Variants in PMFBP1 observed in about 807,000 individuals in gnomAD.
The protein encoded by PMFBP1 is polyamine modulated factor 1 binding protein 1.
Under a neutral mutation model 137.8 loss-of-function variants are expected in PMFBP1, and 131 were observed. The ratio of observed to expected loss-of-function variants is 0.95; its 90% CI spans 0.82 to 1.10. The LOEUF (loss-of-function observed/expected upper bound fraction) is 1.10. PMFBP1 is among the 50% of genes least tolerant of loss of function. PMFBP1 has a pLI of 0.00. For synonymous variants in PMFBP1, 490 were observed against 450.4 expected, an observed-to-expected ratio of 1.09 and a Z score of -1.11; for missense variants, 1,199 against 1,175.4, an observed-to-expected ratio of 1.02 and a Z score of -0.29.
At chr16:72,119,651 T>G in intron 20 of PMFBP1, 200 bp downstream of exon 20, 1 of 1,446,188 alleles carries the variant, frequency 6.9e-7, no homozygotes, top group Non-Finnish European at 9.0e-7. Context: ...TTGGGTATGC[T>G]TCAGATGTTC....
the PMFBP1 span, among the ~76,000 whole-genome samples, chr16:72,239,808 C>A: frequency 1.3e-5 from 2 of 150,296 alleles, no homozygotes; most frequent in Non-Finnish European, 2.9e-5. Flanking sequence ...ATCGCTTAAA[C>A]CCAGGAGGCG....
intron 9 of PMFBP1, 108 bp from the exon 10 acceptor site, chr16:72,133,099 G>C: frequency 7.4e-7 from 1 of 1,354,160 alleles, no homozygotes; most frequent in African/African-American, 1.4e-5. Context: ...CCCCTGCCTG[G>C]ACATTGCACG....
the PMFBP1 span, among the ~76,000 whole-genome samples, chr16:72,248,184 G>C: frequency 6.6e-6 from 1 of 152,190 alleles, no homozygotes; most frequent in Admixed American, 6.5e-5. Flanking sequence ...GTGTACCAAA[G>C]ATGTTTGTTG....
chr16:72,138,561 G>T (rs2042668387), intron 7 of PMFBP1, among the ~76,000 whole-genome samples: 1 of 152,112 alleles, frequency 6.6e-6, no homozygotes, highest in Admixed American at 6.5e-5. Flanking sequence ...TGTGGCCCAG[G>T]CTGGAGTGCA....
At chr16:72,131,558 T>C (rs942591503) in intron 10 of PMFBP1, among the ~76,000 whole-genome samples, 1 of 152,082 alleles carries the variant, frequency 6.6e-6, no homozygotes, top group Non-Finnish European at 1.5e-5. Flanking sequence ...TGGAGTTACC[T>C]GTAGAGAAAG....
At chr16:72,214,626 T>C in the PMFBP1 span, among the ~76,000 whole-genome samples, 1 of 152,268 alleles carries the variant, frequency 6.6e-6, no homozygotes, top group African/African-American at 2.4e-5. Context: ...CCTGTAGAGT[T>C]CCCAGCATAA....
the PMFBP1 span, among the ~76,000 whole-genome samples, chr16:72,214,019 C>T: frequency 6.6e-6 from 1 of 152,054 alleles, no homozygotes; most frequent in African/African-American, 2.4e-5. Flanking sequence ...TCATAATATG[C>T]AGTCACTGAA....
At chr16:72,192,738 C>T in the PMFBP1 span, among the ~76,000 whole-genome samples, 1 of 151,754 alleles carries the variant, frequency 6.6e-6, no homozygotes, top group Non-Finnish European at 1.5e-5. Context: ...CCCGTCTCTA[C>T]TAAAATACAA....
chr16:72,249,155 T>C, the PMFBP1 span, among the ~76,000 whole-genome samples: 13 of 152,188 alleles, frequency 8.5e-5, no homozygotes, highest in African/African-American at 3.1e-4. Flanking sequence ...ATTAGATATG[T>C]GGTTTACCTC....
chr16:72,186,953 A>T, the PMFBP1 span, among the ~76,000 whole-genome samples: 2 of 152,082 alleles, frequency 1.3e-5, no homozygotes, highest in African/African-American at 2.4e-5. Flanking sequence ...TCTCTACTAA[A>T]AATACAAAAA....
chr16:72,125,861 G>T, intron 15 of PMFBP1, 107 bp downstream of exon 15: 2 of 1,343,388 alleles, frequency 1.5e-6, no homozygotes, highest in South Asian at 1.4e-5. Flanking sequence ...GTTTGAGATG[G>T]CCCCATTGAC....
chr16:72,135,058 A>C (rs1016634520), intron 9 of PMFBP1, among the ~76,000 whole-genome samples: 2 of 152,194 alleles, frequency 1.3e-5, no homozygotes, highest in African/African-American at 4.8e-5. Context: ...CTGTTTACGC[A>C]GACTCCGTGC....
At chr16:72,133,238 G>T (rs2042575611) in intron 9 of PMFBP1, among the ~76,000 whole-genome samples, 1 of 152,058 alleles carries the variant, frequency 6.6e-6, no homozygotes, top group African/African-American at 2.4e-5. Flanking sequence ...AGGCTGGAGT[G>T]CAATAGCATG....
the PMFBP1 span, among the ~76,000 whole-genome samples, chr16:72,230,915 C>T: frequency 5.6e-3 from 854 of 152,234 alleles, 3 homozygotes; most frequent in South Asian, 0.024. Context: ...GAGCTGTAAA[C>T]GGCAATAGAT....
At chr16:72,219,662 C>T in the PMFBP1 span, among the ~76,000 whole-genome samples, 1 of 151,886 alleles carries the variant, frequency 6.6e-6, no homozygotes, top group African/African-American at 2.4e-5. Flanking sequence ...AGGTGGGACA[C>T]CCAGATGGTA....
At chr16:72,153,703 G>C (rs1238815957) in intron 4 of PMFBP1, among the ~76,000 whole-genome samples, 1 of 149,458 alleles carries the variant, frequency 6.7e-6, no homozygotes, top group Admixed American at 6.8e-5. Context: ...TAAAACTCCA[G>C]TCTGAAAAAA....
chr16:72,122,232 C>A (rs1369339030), intron 19 of PMFBP1, among the ~76,000 whole-genome samples: 1 of 152,186 alleles, frequency 6.6e-6, no homozygotes, highest in Non-Finnish European at 1.5e-5. Flanking sequence ...TGATCTCATT[C>A]TTTTTGATAG....
chr16:72,125,338 G>A lies in PMFBP1; in HGVS notation c.2321C>T (p.Ala774Val). The part of the protein sequence containing the change: ...QSLTQTQEKK[A>V]QLEEEIIAYE... Reference sequence around the variant, plus strand: ...AGCAATGATTTCCTCTTCCAGCTGAGCTTTCTTCTCTTGGGTCTGTGTCAA... The same window carrying A: ...AGCAATGATTTCCTCTTCCAGCTGAACTTTCTTCTCTTGGGTCTGTGTCAA... The change falls in exon 16 of 21, where the codon GCT becomes GTT. Residue 774 changes from alanine to valine, a missense_variant. Physicochemically the swap from Ala to Val is moderately conservative, Grantham distance 64. Transcript: ENST00000237353. The A allele has an allele frequency of 1.2e-6, 2 of 1,614,140 alleles. No homozygotes were observed. The highest frequency in any genetic ancestry group is 1.1e-5 in the South Asian group (1 of 91,062).
chr16:72,119,801 G>A, intron 20 of PMFBP1, 50 bp downstream of exon 20: 1 of 1,597,752 alleles, frequency 6.3e-7, no homozygotes, highest in Non-Finnish European at 8.5e-7. Flanking sequence ...TCAATCCAGT[G>A]ATTTAAAGAA....
Sources: gnomAD v4.1 joint callset for allele counts (sites outside exome capture counted in the v4.1 genomes callset) on GRCh38, gnomAD v4.1.1 for gene constraint, MANE v1.5 for transcripts, NCBI Gene and HGNC (gene_info 2026-07-23, HGNC 2026-07-21) for gene names.